The following CLCN4 variants were observed in gnomAD, a reference collection of about 807,000 sequenced individuals.
CLCN4 encodes the protein Cl-/H+ antiporter 4, also known as H(+)/Cl(-) exchange transporter 4.
In CLCN4, 1 loss-of-function variant was observed where a neutral mutation model predicts 41.7. The observed-to-expected ratio is 0.02, with a 90% CI of 0.01 to 0.11. The LOEUF (loss-of-function observed/expected upper bound fraction) is 0.11, where lower values mean the gene tolerates loss of function less well. Ranked by LOEUF, CLCN4 falls within the 10% of genes least tolerant of loss-of-function variation. The pLI is 1.00. For missense variants in CLCN4, 287 were observed against 661.0 expected (o/e 0.43, Z 6.20); for synonymous variants, 277 against 285.8 (o/e 0.97, Z 0.31).
rs779176592 is a variant in CLCN4 at position 10,208,353 on chromosome X, C to G, written c.1152C>G (p.Ala384=). 17 of 1,211,285 alleles carry G rather than the reference C, an allele frequency of 1.4e-5. No homozygotes were observed. Among genetic ancestry groups the G allele is most frequent in the Non-Finnish European group, 1.9e-5 (17 of 895,350 alleles). The change falls in exon 9 of 13, where the codon GCC becomes GCG. Residue 384 remains alanine (A), a synonymous_variant. Coordinates refer to ENST00000380833, the MANE Select transcript of CLCN4 (RefSeq NM_001830.4). ...IVVTAITAII[A]YPNPYTRQST... ...TGACTGCCATCACTGCCATCATTGC[C>G]TACCCCAATCCCTACACACGCCAGA...
chrX:10,211,357 C>G (rs1924548804), intron 9 of CLCN4, among the ~76,000 whole-genome samples: 1 of 109,671 alleles, frequency 9.1e-6, no homozygotes, highest in Admixed American at 9.7e-5. Context: ...GAATTTGGGC[C>G]TTAAGAACAA....
At chrX:10,211,260 C>T (rs760186224) in intron 9 of CLCN4, among the ~76,000 whole-genome samples, 12 of 49,592 alleles carry the variant, frequency 2.4e-4, no homozygotes, top group African/African-American at 5.9e-4. Context: ...AGCGAGATTC[C>T]GTCTCAAAAA....
At chrX:10,192,504 C>T (rs1272275533) in intron 4 of CLCN4, among the ~76,000 whole-genome samples, 1 of 111,022 alleles carries the variant, frequency 9.0e-6, no homozygotes, top group African/African-American at 3.3e-5. Flanking sequence ...GAGAGCGTGG[C>T]ACATTCCAGG....
At chrX:10,159,840 T>C (rs1049175090) in intron 2 of CLCN4, among the ~76,000 whole-genome samples, 1 of 111,322 alleles carries the variant, frequency 9.0e-6, no homozygotes, top group Non-Finnish European at 1.9e-5. Flanking sequence ...AAGCAGATGA[T>C]AGAGGTGGAT....
intron 11 of CLCN4, among the ~76,000 whole-genome samples, chrX:10,216,910 T>C (rs796924616): frequency 1.6e-3 from 33 of 20,886 alleles, no homozygotes; most frequent in Admixed American, 0.01. Context: ...TATATATATA[T>C]ATATATATAC....
At chrX:10,174,516 G>T (rs1008875619) in intron 2 of CLCN4, among the ~76,000 whole-genome samples, 6 of 112,593 alleles carry the variant, frequency 5.3e-5, no homozygotes, top group African/African-American at 1.9e-4. Context: ...GTTCCAGGGC[G>T]GGCATTTTAT....
intron 12 of CLCN4, among the ~76,000 whole-genome samples, chrX:10,228,350 C>G (rs1395389716): frequency 9.1e-6 from 1 of 109,715 alleles, no homozygotes; most frequent in Non-Finnish European, 1.9e-5. Flanking sequence ...TTCCAGGTCT[C>G]CTATCTCCTG....
chrX:10,235,274 A>T lies in CLCN4; in HGVS notation c.*1690A>T, dbSNP rs1312492508. ...AGGCAAGCAACTAGGTACAATGTCT[A>T]TCAGGAAAGCAAAGCTTCCCCAGAG... On this transcript the variant is annotated 3_prime_UTR_variant, in exon 13 of 13. Coordinates refer to ENST00000380833, the MANE Select transcript of CLCN4 (RefSeq NM_001830.4). 1 of 112,546 alleles carries T rather than the reference A, an allele frequency of 8.9e-6. No homozygotes were observed. Among genetic ancestry groups the T allele is most frequent in the African/African-American group, 3.2e-5 (1 of 30,890 alleles). The allele number at this position is 112,546 out of a possible 1,213,427, so 9.3% of individuals were successfully genotyped here.
At chrX:10,224,096 C>G in intron 12 of CLCN4, among the ~76,000 whole-genome samples, 1 of 111,335 alleles carries the variant, frequency 9.0e-6, no homozygotes, top group Middle Eastern at 4.6e-3. Context: ...GGCCAGGGCA[C>G]AATTTATGCA....
At chrX:10,179,755 G>A (rs189105858) in intron 2 of CLCN4, among the ~76,000 whole-genome samples, 3 of 112,413 alleles carry the variant, frequency 2.7e-5, no homozygotes, top group Admixed American at 1.9e-4. Flanking sequence ...TTTATGAAGC[G>A]CTAACCACAT....
At chrX:10,208,675 GA>G (rs1362417258) in intron 9 of CLCN4, 85 bp downstream of exon 9, 15 of 871,388 alleles carry the variant, frequency 1.7e-5, no homozygotes, top group East Asian at 6.3e-5. Flanking sequence ...ATTGCGGTGG[GA>G]AAAAAAGGGG....
In CLCN4 at chrX:10,212,837, G is replaced by GCA. The variant is rs199932119; in HGVS notation, c.1576+185_1576+186dup. 0.4 allele frequency among the ~76,000 whole-genome samples: 42,190 copies of GCA among 106,258 alleles called. 6,192 individuals carry two copies. Among genetic ancestry groups the GCA allele is most frequent in the East Asian group, 0.75 (2,496 of 3,335 alleles). 92.3% of individuals were successfully genotyped at this position (106,258 alleles called of 115,157 possible). The stretch of plus-strand genomic sequence containing the variant: ...ACCAAGGCTATGTCTCGCTCACTAT[G>GCA]CAGACACACACACACACACACAAAC... On this transcript the variant is annotated intron_variant, in intron 10 of 12. Transcript: ENST00000380833.
chrX:10,224,981 C>A (rs1156367992), intron 12 of CLCN4, among the ~76,000 whole-genome samples: 1 of 112,150 alleles, frequency 8.9e-6, no homozygotes, highest in Non-Finnish European at 1.9e-5. Flanking sequence ...TTTTCTTTAT[C>A]CAGTCTATCA....
intron 2 of CLCN4, among the ~76,000 whole-genome samples, chrX:10,159,784 G>A (rs975659979): frequency 2.7e-5 from 3 of 111,094 alleles, no homozygotes; most frequent in Non-Finnish European, 5.7e-5. Flanking sequence ...TAAGATCCCC[G>A]GGTCCCCGCC....
chrX:10,190,984 C>G (rs945719110), intron 4 of CLCN4, among the ~76,000 whole-genome samples: 7 of 112,299 alleles, frequency 6.2e-5, no homozygotes, highest in African/African-American at 2.3e-4. Context: ...ACCTCCCTCA[C>G]CTGCTCTATG....
Position 10,206,392 on chromosome X carries a change from G to A in CLCN4, c.590G>A (p.Gly197Asp). The change falls in exon 7 of 13, where the codon GGC becomes GAC. Residue 197 changes from glycine to aspartate, a missense_variant. Around this residue, in one of 6 missense-constraint regions of CLCN4, gnomAD observed 90 missense variants for 209.8 expected, o/e 0.43. Transcript: ENST00000380833. The stretch of plus-strand genomic sequence containing the variant: ...ATTTTGAGCGGCTTTATCATCAGGG[G>A]CTACTTGGGGAAGTGGACCCTGCTA... ...KTILSGFIIR[G>D]YLGKWTLLIK... 8.3e-7 allele frequency: 1 copy of A among 1,209,509 alleles called. No homozygotes were observed. Among genetic ancestry groups the A allele is most frequent in the East Asian group, 3.0e-5 (1 of 33,832 alleles).
intron 11 of CLCN4, among the ~76,000 whole-genome samples, chrX:10,219,532 A>G (rs1384465790): frequency 8.9e-6 from 1 of 112,536 alleles, no homozygotes; most frequent in Non-Finnish European, 1.9e-5. Flanking sequence ...TGTAATGTGA[A>G]GGCATTTGCC....
At chrX:10,163,934 T>G (rs1923177120) in intron 2 of CLCN4, among the ~76,000 whole-genome samples, 1 of 112,732 alleles carries the variant, frequency 8.9e-6, no homozygotes, top group Admixed American at 9.3e-5. Flanking sequence ...CATGGCCAAA[T>G]GTCCCCTGGG....
At position 10,216,897 on chromosome X, in the gene CLCN4, G is replaced by GTGTATATATATA. The variant is rs1411470927; in HGVS notation, c.1975+2819_1975+2820insGTATATATATAT. On this transcript the variant is annotated intron_variant, in intron 11 of 12. Transcript: ENST00000380833. ...GTTGGGGATGTGTGTGTGTGTGTGT[G>GTGTATATATATA]TATATATATATATATATATATACAC... 2.9e-4 allele frequency among the ~76,000 whole-genome samples: 6 copies of GTGTATATATATA among 20,829 alleles called. No homozygotes were observed. In the South Asian group the frequency reaches 0.021, roughly 73 times the overall value. The allele number at this position is 20,829 out of a possible 115,157, so 18.1% of individuals were successfully genotyped here.
Sources: allele counts gnomAD v4.1 joint callset (sites outside exome capture counted in the v4.1 genomes callset), GRCh38; gene constraint gnomAD v4.1.1; regional missense constraint gnomAD v4.1.1; transcripts MANE v1.5; gene names NCBI Gene and HGNC (gene_info 2026-07-23, HGNC 2026-07-21).